The following CFAP300 variants were observed in gnomAD, a reference collection of about 807,000 sequenced individuals.
CFAP300 encodes cilia and flagella associated protein 300.
In CFAP300, 32 loss-of-function variants were observed where a neutral mutation model predicts 33.0. That is an observed-to-expected ratio of 0.97 (90% CI 0.73 to 1.30). The LOEUF (loss-of-function observed/expected upper bound fraction) is 1.30. Ranked by LOEUF, CFAP300 falls within the 50% of genes most tolerant of loss-of-function variation. CFAP300 has a pLI of 0.00. For synonymous variants in CFAP300, 102 were observed against 106.8 expected (o/e 0.95, Z 0.28); for missense variants, 356 against 318.1 (o/e 1.12, Z -0.90).
chr11:102,065,761 C>A (rs182810396), intron 3 of CFAP300, among the ~76,000 whole-genome samples: 57 of 151,596 alleles, frequency 3.8e-4, no homozygotes, highest in African/African-American at 1.4e-3. Context: ...GAGCAAAACT[C>A]CATCTCAAAG....
At position 102,054,460 on chromosome 11, in the gene CFAP300, C is replaced by T. The variant is rs533206091; in HGVS notation, c.193-4420C>T. ...TAGATAAGAGAAGTGAGGCTGGGCT[C>T]GGTGGTGCACGCCTGTAATCCCAAC... On this transcript the variant is annotated intron_variant, in intron 2 of 6. Transcript: ENST00000434758. Among the ~76,000 whole-genome samples the T allele has an allele frequency of 1.2e-3, 175 of 151,936 alleles. 1 individual carries two copies. Among genetic ancestry groups the T allele is most frequent in the African/African-American group, 4.0e-3 (167 of 41,456 alleles).
chr11:102,082,197 A>G (rs1284701530), intron 6 of CFAP300, among the ~76,000 whole-genome samples: 2 of 151,838 alleles, frequency 1.3e-5, no homozygotes, highest in African/African-American at 4.8e-5. Context: ...CAACATGGTA[A>G]AACCCCATCT....
intron 2 of CFAP300, among the ~76,000 whole-genome samples, chr11:102,053,443 T>G (rs1221423086): frequency 6.6e-6 from 1 of 151,414 alleles, no homozygotes; most frequent in Admixed American, 6.6e-5. Flanking sequence ...CCCAGCTACT[T>G]GGGAAGCTGA....
chr11:102,057,355 A>G (rs990804436), intron 2 of CFAP300, among the ~76,000 whole-genome samples: 1 of 151,124 alleles, frequency 6.6e-6, no homozygotes, highest in African/African-American at 2.4e-5. Context: ...AAAAAAAAAG[A>G]AAAAAAGAAA....
intron 2 of CFAP300, among the ~76,000 whole-genome samples, chr11:102,054,469 A>G (rs753715041): frequency 2.0e-5 from 3 of 152,066 alleles, no homozygotes; most frequent in Non-Finnish European, 2.9e-5. Flanking sequence ...TCGGTGGTGC[A>G]CGCCTGTAAT....
At chr11:102,047,974 G>A (rs1174521662) in intron 2 of CFAP300, 78 bp downstream of exon 2, 5 of 1,398,418 alleles carry the variant, frequency 3.6e-6, no homozygotes, top group Non-Finnish European at 5.0e-6. Context: ...AGATTCTTGT[G>A]AACACGCTAT....
intron 3 of CFAP300, among the ~76,000 whole-genome samples, chr11:102,063,274 A>G (rs1023507721): frequency 1.5e-4 from 23 of 152,262 alleles, no homozygotes; most frequent in African/African-American, 5.5e-4. Context: ...ATCTAAAGGA[A>G]TTTGACTTTC....
At chr11:102,047,662 C>T in intron 1 of CFAP300, 82 bp downstream of exon 1, 3 of 1,459,478 alleles carry the variant, frequency 2.1e-6, no homozygotes, top group Middle Eastern at 2.0e-4. Context: ...GAGGGGCCCG[C>T]GCGGGTCGGC....
At chr11:102,059,925 A>AC (rs1220247344) in intron 3 of CFAP300, among the ~76,000 whole-genome samples, 1 of 150,608 alleles carries the variant, frequency 6.6e-6, no homozygotes, top group African/African-American at 2.4e-5. Context: ...AACTGGGATT[A>AC]CAGTCATGGG....
chr11:102,080,799 G>A (rs567778718), intron 5 of CFAP300, among the ~76,000 whole-genome samples: 1 of 152,202 alleles, frequency 6.6e-6, no homozygotes, highest in South Asian at 2.1e-4. Context: ...TCTCAGAAAG[G>A]TTAATCCTAC....
intron 3 of CFAP300, among the ~76,000 whole-genome samples, chr11:102,065,691 A>G (rs1042183573): frequency 1.3e-5 from 2 of 151,676 alleles, no homozygotes; most frequent in Non-Finnish European, 2.9e-5. Context: ...CGCTTGAACC[A>G]GGGAGGCAGG....
intron 4 of CFAP300, among the ~76,000 whole-genome samples, chr11:102,068,954 C>T (rs1942269462): frequency 6.6e-6 from 1 of 152,194 alleles, no homozygotes; most frequent in South Asian, 2.1e-4. Context: ...CACACTTCTT[C>T]TCTGGCATAA....
intron 2 of CFAP300, chr11:102,057,967 G>A (rs1332186288): frequency 6.6e-6 from 1 of 152,288 alleles, no homozygotes; most frequent in African/African-American, 2.4e-5. Flanking sequence ...AGCTAAGTAA[G>A]GTTGGGCCTG....
chr11:102,069,828 A>G (rs975535518), intron 4 of CFAP300, among the ~76,000 whole-genome samples: 3 of 152,086 alleles, frequency 2.0e-5, no homozygotes, highest in Non-Finnish European at 4.4e-5. Flanking sequence ...TTAGCTGGTC[A>G]TGGTGGCGTG....
chr11:102,050,513 A>G (rs1941952802), intron 2 of CFAP300, among the ~76,000 whole-genome samples: 1 of 152,244 alleles, frequency 6.6e-6, no homozygotes, highest in South Asian at 2.1e-4. Flanking sequence ...ATGGAAGGAA[A>G]CATTTATCTG....
intron 2 of CFAP300, among the ~76,000 whole-genome samples, chr11:102,057,231 C>T (rs1000614696): frequency 1.3e-5 from 2 of 150,900 alleles, no homozygotes; most frequent in East Asian, 2.0e-4. Context: ...CCCAGCTACT[C>T]AGGAGACTGA....
chr11:102,069,557 C>G (rs1942278801), intron 4 of CFAP300, among the ~76,000 whole-genome samples: 2 of 152,064 alleles, frequency 1.3e-5, no homozygotes, highest in Admixed American at 1.3e-4. Context: ...AATCTCAGCA[C>G]TTTGGGAGGC....
At chr11:102,075,511 C>T (rs1783962609) in intron 4 of CFAP300, among the ~76,000 whole-genome samples, 1 of 152,140 alleles carries the variant, frequency 6.6e-6, no homozygotes, top group Non-Finnish European at 1.5e-5. Flanking sequence ...AGACGGAGGC[C>T]TTATGGGATG....
intron 6 of CFAP300, among the ~76,000 whole-genome samples, chr11:102,082,390 T>TA (rs764633540): frequency 2.0e-4 from 29 of 144,242 alleles, no homozygotes; most frequent in South Asian, 1.1e-3. Context: ...AAAAAAAATT[T>TA]AAAAAAAAAA....
Sources: gnomAD v4.1 joint callset for allele counts (sites outside exome capture counted in the v4.1 genomes callset) on GRCh38, gnomAD v4.1.1 for gene constraint, MANE v1.5 for transcripts, NCBI Gene and HGNC (gene_info 2026-07-23, HGNC 2026-07-21) for gene names.